PTPRD: variants seen among roughly 807,000 people sequenced by gnomAD.
PTPRD encodes protein tyrosine phosphatase receptor type D.
A neutral mutation model predicts 214.5 loss-of-function variants in PTPRD; 34 were observed. That is an observed-to-expected ratio of 0.16 (90% CI 0.12 to 0.21). The LOEUF (loss-of-function observed/expected upper bound fraction) is 0.21, where lower values mean the gene tolerates loss of function less well. Among genes scored for constraint, PTPRD ranks in the 10% least tolerant of loss-of-function variants. The probability of loss-of-function intolerance (pLI) is 1.00; values close to 1 mark genes in which losing one functional copy is unlikely to be tolerated. For synonymous variants in PTPRD, 1,128 were observed against 845.7 expected (o/e 1.33, Z -5.79); for missense variants, 2,545 against 2,398.7 (o/e 1.06, Z -1.27).
intron 11 of PTPRD, among the ~76,000 whole-genome samples, chr9:8,811,452 G>C (rs1475692743): frequency 6.6e-6 from 1 of 152,220 alleles, no homozygotes; most frequent in African/African-American, 2.4e-5. Flanking sequence ...AGGCCCATCA[G>C]TGTTTGTGGA....
intron 5 of PTPRD, among the ~76,000 whole-genome samples, chr9:9,856,787 GA>G (rs2061639758): frequency 1.3e-5 from 2 of 152,078 alleles, no homozygotes; most frequent in East Asian, 3.9e-4. Flanking sequence ...TTCTTGAATG[GA>G]TGCCCCCATG....
intron 27 of PTPRD, among the ~76,000 whole-genome samples, chr9:8,487,762 A>C (rs906109036): frequency 6.6e-6 from 1 of 152,190 alleles, no homozygotes; most frequent in African/African-American, 2.4e-5. Context: ...GTGAGCCGAG[A>C]TCATGCCACT....
At chr9:10,267,239 C>T (rs1408290134) in intron 3 of PTPRD, among the ~76,000 whole-genome samples, 1 of 149,798 alleles carries the variant, frequency 6.7e-6, no homozygotes, top group East Asian at 1.9e-4. Context: ...AGGGATGGAG[C>T]AGATGGAGTT....
At chr9:10,597,919 A>T (rs2076987737) in intron 2 of PTPRD, among the ~76,000 whole-genome samples, 1 of 151,758 alleles carries the variant, frequency 6.6e-6, no homozygotes, top group Non-Finnish European at 1.5e-5. Flanking sequence ...TCGCATTTTG[A>T]TTATCTGGAC....
intron 11 of PTPRD, among the ~76,000 whole-genome samples, chr9:8,857,079 G>T (rs13284801): frequency 0.12 from 18,310 of 152,112 alleles, 1,413 homozygotes; most frequent in Non-Finnish European, 0.17. Flanking sequence ...GCTGAACTAC[G>T]AGCTTTGATT....
intron 9 of PTPRD, among the ~76,000 whole-genome samples, chr9:9,346,478 T>A (rs1021037759): frequency 6.6e-6 from 1 of 152,142 alleles, no homozygotes; most frequent in Non-Finnish European, 1.5e-5. Context: ...ATATTACGAT[T>A]GTAAGTACTT....
At chr9:9,551,526 C>T (rs147884158) in intron 8 of PTPRD, among the ~76,000 whole-genome samples, 103 of 152,054 alleles carry the variant, frequency 6.8e-4, no homozygotes, top group African/African-American at 2.5e-3. Flanking sequence ...TATCTACCTA[C>T]TGGAGTTCTG....
intron 10 of PTPRD, among the ~76,000 whole-genome samples, chr9:9,062,631 A>T: frequency 6.6e-6 from 1 of 152,106 alleles, no homozygotes; most frequent in Non-Finnish European, 1.5e-5. Context: ...ATAAGGTCCA[A>T]AATTTAGCTG....
rs111774851 is a variant in PTPRD at position 8,711,835 on chromosome 9, G to T, written c.64+21945C>A. ...CACCAAATATTTGAAACAACCCAAA[G>T]GAATAAATAAAACTGTGATACGGAT... On this transcript the variant is annotated intron_variant, in intron 12 of 45. Transcript: ENST00000381196. Among the ~76,000 whole-genome samples the T allele has an allele frequency of 9.1e-3, 1,392 of 152,214 alleles. 34 individuals carry two copies. Among genetic ancestry groups the T allele is most frequent in the African/African-American group, 0.032 (1,327 of 41,544 alleles).
intron 4 of PTPRD, among the ~76,000 whole-genome samples, chr9:9,983,238 A>G (rs989539960): frequency 6.6e-6 from 1 of 152,174 alleles, no homozygotes; most frequent in Non-Finnish European, 1.5e-5. Flanking sequence ...TTCTGGGCAG[A>G]GTTCATGGTG....
intron 11 of PTPRD, among the ~76,000 whole-genome samples, chr9:8,737,977 G>C (rs2090903705): frequency 6.6e-6 from 1 of 152,038 alleles, no homozygotes; most frequent in Non-Finnish European, 1.5e-5. Flanking sequence ...GGGACATGCA[G>C]ATAGAACTCA....
At chr9:10,243,003 C>A (rs573795727) in intron 3 of PTPRD, among the ~76,000 whole-genome samples, 9 of 151,800 alleles carry the variant, frequency 5.9e-5, no homozygotes, top group African/African-American at 2.2e-4. Context: ...AAAGTTTTAA[C>A]AGTTCATACA....
At chr9:8,432,576 G>A (rs1263795858) in intron 35 of PTPRD, among the ~76,000 whole-genome samples, 1 of 152,192 alleles carries the variant, frequency 6.6e-6, no homozygotes, top group Non-Finnish European at 1.5e-5. Flanking sequence ...CAGTGATTAT[G>A]CCAAAATAAT....
At chr9:8,592,458 G>C (rs1223299818) in intron 14 of PTPRD, among the ~76,000 whole-genome samples, 2 of 152,176 alleles carry the variant, frequency 1.3e-5, no homozygotes, top group East Asian at 1.9e-4. Context: ...ACAAGGACTT[G>C]AATAGCTCTG....
chr9:9,483,446 C>CA (rs1245745060), intron 8 of PTPRD, among the ~76,000 whole-genome samples: 1 of 152,060 alleles, frequency 6.6e-6, no homozygotes, highest in Non-Finnish European at 1.5e-5. Context: ...ATCATTTTTG[C>CA]AACCTAGAGG....
intron 12 of PTPRD, among the ~76,000 whole-genome samples, chr9:8,643,771 G>C (rs1156526206): frequency 1.3e-5 from 2 of 152,210 alleles, no homozygotes; most frequent in Non-Finnish European, 1.5e-5. Context: ...GACCAGGGTG[G>C]AAGGGAAGCC....
chr9:8,848,691 A>G (rs772305892), intron 11 of PTPRD, among the ~76,000 whole-genome samples: 1 of 151,880 alleles, frequency 6.6e-6, no homozygotes, highest in Admixed American at 6.6e-5. Flanking sequence ...TATTTTTTTT[A>G]AAATCATGTC....
At chr9:9,754,283 C>T (rs774958977) in intron 6 of PTPRD, among the ~76,000 whole-genome samples, 6 of 152,042 alleles carry the variant, frequency 3.9e-5, no homozygotes, top group South Asian at 2.1e-4. Context: ...CAAATTCTTA[C>T]ACGCCCCGTA....
At chr9:9,140,567 A>T (rs563478457) in intron 10 of PTPRD, among the ~76,000 whole-genome samples, 1 of 152,316 alleles carries the variant, frequency 6.6e-6, no homozygotes, top group African/African-American at 2.4e-5. Context: ...ACTGTGACAG[A>T]AACAGTGCTA....
Sources: allele counts gnomAD v4.1 joint callset (sites outside exome capture counted in the v4.1 genomes callset), GRCh38; gene constraint gnomAD v4.1.1; transcripts MANE v1.5; gene names NCBI Gene and HGNC (gene_info 2026-07-23, HGNC 2026-07-21).